Variants in ATP2B2 observed in about 807,000 individuals in gnomAD.
The protein encoded by ATP2B2 is ATPase plasma membrane Ca2+ transporting 2.
In ATP2B2, 15 loss-of-function variants were observed where a neutral mutation model predicts 120.0. That is an observed-to-expected ratio of 0.12 (90% CI 0.08 to 0.19). ATP2B2 has a LOEUF of 0.19. ATP2B2 is among the 10% of genes least tolerant of loss of function. ATP2B2 has a pLI of 1.00. For missense variants in ATP2B2, 1,045 were observed against 1,719.8 expected (o/e 0.61, Z 6.94); for synonymous variants, 694 against 700.3 (o/e 0.99, Z 0.14).
chr3:10,674,538 GTTTTAC>G (rs1159368828), intron 1 of ATP2B2, among the ~76,000 whole-genome samples: 4 of 152,256 alleles, frequency 2.6e-5, no homozygotes, highest in African/African-American at 9.6e-5. Flanking sequence ...AGTGATAGGG[GTTTTAC>G]TTTTATCTAA....
At chr3:10,633,935 C>T (rs2069945938) in intron 1 of ATP2B2, among the ~76,000 whole-genome samples, 2 of 152,186 alleles carry the variant, frequency 1.3e-5, no homozygotes, top group Non-Finnish European at 2.9e-5. Flanking sequence ...GGCCATCTGA[C>T]CCATTTTAGC....
In ATP2B2 at chr3:10,326,401, G is replaced by A; in HGVS notation, c.*2413C>T. ...TGTTCCCTAAGCCAGGCTCCACTGA[G>A]AACCCCTCCTGGCTCCGAATGAACA... On this transcript the variant is annotated 3_prime_UTR_variant, in exon 23 of 23. Transcript: ENST00000360273. 3.8e-6 allele frequency: 1 copy of A among 266,468 alleles called. No individual in the cohort carries two copies. Among genetic ancestry groups the A allele is most frequent in the Non-Finnish European group, 7.0e-6 (1 of 142,218 alleles). The allele number at this position is 266,468 out of a possible 1,614,324, so 16.5% of individuals were successfully genotyped here. A position where few individuals can be genotyped will look rare whatever the true frequency, so the allele number is the denominator to read the frequency against.
At chr3:10,486,166 A>G (rs149896289) in intron 1 of ATP2B2, among the ~76,000 whole-genome samples, 60 of 152,202 alleles carry the variant, frequency 3.9e-4, no homozygotes, top group African/African-American at 1.4e-3. Context: ...CGAGCATAAG[A>G]TTTGGTCAAA....
At chr3:10,450,039 C>T (rs567698579) in intron 1 of ATP2B2, among the ~76,000 whole-genome samples, 177 bp from the exon 2 acceptor site, 28 of 152,246 alleles carry the variant, frequency 1.8e-4, no homozygotes, top group Non-Finnish European at 3.5e-4. Flanking sequence ...AACCCAGGCA[C>T]TCCACGATAT....
chr3:10,355,109 ACCCGTCT>A (rs2060678310), intron 14 of ATP2B2, among the ~76,000 whole-genome samples: 1 of 151,940 alleles, frequency 6.6e-6, no homozygotes. Context: ...AGCCATACCC[ACCCGTCT>A]CCTTGGGTCC....
At chr3:10,512,470 A>AGTG (rs1559431385) in intron 3 of ATP2B2, among the ~76,000 whole-genome samples, 8 of 40,900 alleles carry the variant, frequency 2.0e-4, no homozygotes, top group African/African-American at 1.1e-3. Flanking sequence ...GTGCGCACAC[A>AGTG]CACACACACA....
At chr3:10,654,796 G>A (rs954625628) in intron 1 of ATP2B2, among the ~76,000 whole-genome samples, 1 of 143,694 alleles carries the variant, frequency 7.0e-6, no homozygotes, top group African/African-American at 2.6e-5. Flanking sequence ...AAAAAAAAAC[G>A]CAGACTCTGG....
intron 8 of ATP2B2, among the ~76,000 whole-genome samples, chr3:10,382,197 A>ATTGTT (rs2061549671): frequency 8.2e-6 from 1 of 122,322 alleles, no homozygotes; most frequent in Non-Finnish European, 1.6e-5. Context: ...AGCTAATTAA[A>ATTGTT]TTTTTTTTTT....
intron 1 of ATP2B2, among the ~76,000 whole-genome samples, chr3:10,687,269 T>C (rs115730697): frequency 0.011 from 1,744 of 152,234 alleles, 31 homozygotes; most frequent in African/African-American, 0.039. Context: ...TTCCCCAAAG[T>C]GTTGCTGTGA....
Position 10,635,940 on chromosome 3 carries a change from G to C in ATP2B2, c.-459-15979C>G, listed in dbSNP as rs906100020. 6.6e-6 allele frequency among the ~76,000 whole-genome samples: 1 copy of C among 152,162 alleles called. No individual in the cohort carries two copies. The highest frequency in any genetic ancestry group is 2.4e-5 in the African/African-American group (1 of 41,446). ...TCAGGGATGAGCCTCCAGGCAGAGG[G>C]CCCCCTGGACCTACCCAAATGGATG... On this transcript the variant is annotated intron_variant, in intron 1 of 21. Transcript: ENST00000646379. This position sits in a 1 kb window ranked among gnomAD's most constrained non-coding sequence, Gnocchi z 4.3.
At chr3:10,492,360 CTCA>C (rs1310598102) in intron 1 of ATP2B2, among the ~76,000 whole-genome samples, 1 of 152,192 alleles carries the variant, frequency 6.6e-6, no homozygotes, top group Admixed American at 6.5e-5. Context: ...CCCCAAACCC[CTCA>C]TTAAGGGCTC....
chr3:10,525,412 A>T (rs1423362806), intron 3 of ATP2B2, among the ~76,000 whole-genome samples: 1 of 152,258 alleles, frequency 6.6e-6, no homozygotes, highest in East Asian at 1.9e-4. Context: ...TCCTAAAGAC[A>T]ATACAGAGAG....
chr3:10,475,624 G>A (rs1054739805), intron 1 of ATP2B2, among the ~76,000 whole-genome samples: 31 of 151,854 alleles, frequency 2.0e-4, no homozygotes, highest in Non-Finnish European at 4.1e-4. Context: ...CACTACACAT[G>A]CCTGCCTAGG....
At chr3:10,422,583 AC>A (rs1035033677) in intron 2 of ATP2B2, among the ~76,000 whole-genome samples, 3 of 152,174 alleles carry the variant, frequency 2.0e-5, no homozygotes, top group African/African-American at 7.2e-5. Context: ...AGCATTTGTC[AC>A]CCAGCTCATT....
chr3:10,374,507 T>C (rs2061330438), intron 11 of ATP2B2, among the ~76,000 whole-genome samples: 4 of 152,136 alleles, frequency 2.6e-5, no homozygotes, highest in Admixed American at 2.6e-4. Context: ...TTTCTCAGAG[T>C]GAATGCCTCG....
chr3:10,326,909 G>A lies in ATP2B2; in HGVS notation c.*1905C>T. 1 of 398,964 alleles carries A rather than the reference G, an allele frequency of 2.5e-6. No individual in the cohort carries two copies. The highest frequency in any genetic ancestry group is 4.4e-6 in the Non-Finnish European group (1 of 226,032). The allele number at this position is 398,964 out of a possible 1,614,324, so 24.7% of individuals were successfully genotyped here. On this transcript the variant is annotated 3_prime_UTR_variant, in exon 23 of 23. Transcript: ENST00000360273. ...GGAAGAGTTCTCTGGGCCTGGAGAA[G>A]GGAAGGGGCTGGGCTGACACAGCCA... is the stretch of plus-strand genomic sequence containing the variant.
At chr3:10,701,608 G>C (rs1247493020) in intron 1 of ATP2B2, among the ~76,000 whole-genome samples, 1 of 151,730 alleles carries the variant, frequency 6.6e-6, no homozygotes, top group African/African-American at 2.4e-5. Flanking sequence ...CCAGGTCTGA[G>C]GATGCAATTT....
chr3:10,495,183 A>G (rs57302736), intron 1 of ATP2B2, among the ~76,000 whole-genome samples: 1 of 152,198 alleles, frequency 6.6e-6, no homozygotes. Flanking sequence ...GCATTGGGAC[A>G]TGGGCCAGGT....
rs2062257225 is a variant in ATP2B2 at position 10,402,518 on chromosome 3, C to G, written c.398-170G>C. 6.6e-6 allele frequency among the ~76,000 whole-genome samples: 1 copy of G among 152,260 alleles called. No individual in the cohort carries two copies. Among genetic ancestry groups the G allele is most frequent in the African/African-American group, 2.4e-5 (1 of 41,472 alleles). ...CAAGCCCTGTGGAAAGTGCTTCACG[C>G]AGATCATCTCACAGGGTATTCCCGC... On this transcript the variant is annotated intron_variant, in intron 3 of 22. Transcript: ENST00000360273. This position sits in a 1 kb window ranked among gnomAD's most constrained non-coding sequence, Gnocchi z 4.9.
Sources: gnomAD v4.1 joint callset for allele counts (sites outside exome capture counted in the v4.1 genomes callset) on GRCh38, gnomAD v4.1.1 for gene constraint, Gnocchi (gnomAD v3.1) non-coding constraint, MANE v1.5 for transcripts, NCBI Gene and HGNC (gene_info 2026-07-23, HGNC 2026-07-21) for gene names.